CFDP1: variants seen among roughly 807,000 people sequenced by gnomAD.
The protein encoded by CFDP1 is heterochromatin-stabilizing protein CFDP1.
In CFDP1, 31 loss-of-function variants were observed where a neutral mutation model predicts 40.1. That is an observed-to-expected ratio of 0.77 (90% confidence interval 0.58 to 1.04). CFDP1 has a LOEUF of 1.04. Among genes scored for constraint, CFDP1 ranks in the 50% least tolerant of loss-of-function variants. The probability of loss-of-function intolerance (pLI) is 0.00; values close to 1 mark genes in which losing one functional copy is unlikely to be tolerated. For missense variants in CFDP1, 423 were observed against 343.4 expected, an observed-to-expected ratio of 1.23 and a Z score of -1.83; for synonymous variants, 167 against 120.0, an observed-to-expected ratio of 1.39 and a Z score of -2.56.
intron 5 of CFDP1, among the ~76,000 whole-genome samples, chr16:75,309,626 C>T (rs558587620): frequency 3.9e-5 from 6 of 152,140 alleles, no homozygotes; most frequent in African/African-American, 1.4e-4. Context: ...CGAGACCATC[C>T]TGCCTAACAC....
chr16:75,304,946 G>A, intron 6 of CFDP1, 78 bp downstream of exon 6: 1 of 1,426,908 alleles, frequency 7.0e-7, no homozygotes, highest in Non-Finnish European at 9.6e-7. Flanking sequence ...TGCTTACAGT[G>A]GGCAGTTTGT....
At chr16:75,364,474 G>A (rs910211344) in intron 5 of CFDP1, among the ~76,000 whole-genome samples, 3 of 152,052 alleles carry the variant, frequency 2.0e-5, no homozygotes, top group African/African-American at 4.8e-5. Context: ...ATGACAACAC[G>A]AAGACATTAT....
chr16:75,315,265 G>A (rs1405462812), intron 5 of CFDP1, among the ~76,000 whole-genome samples: 3 of 146,884 alleles, frequency 2.0e-5, no homozygotes, highest in African/African-American at 7.6e-5. Flanking sequence ...ACGGGAGGCG[G>A]AGGTTGCCGT....
At chr16:75,349,682 A>ATATATATATATATATATATATAT in intron 5 of CFDP1, among the ~76,000 whole-genome samples, 9 of 7,394 alleles carry the variant, frequency 1.2e-3, no homozygotes, top group Non-Finnish European at 1.6e-3. Context: ...AAAAAAAAAA[A>ATATATATATATATATATATATAT]AAAAAAAAAT....
chr16:75,399,246 C>T (rs1292948795), intron 4 of CFDP1, among the ~76,000 whole-genome samples: 2 of 152,086 alleles, frequency 1.3e-5, no homozygotes, highest in Non-Finnish European at 2.9e-5. Flanking sequence ...CTTTCTTACA[C>T]TGTTGTAAAA....
rs151208806 is a variant in CFDP1 at position 75,393,294 on chromosome 16, T to C, written c.650+1796A>G. Among the ~76,000 whole-genome samples, 523 of 152,256 alleles carry C rather than the reference T, an allele frequency of 3.4e-3. 3 individuals are homozygous for C. The highest frequency in any genetic ancestry group is 0.011 in the African/African-American group (461 of 41,548). On this transcript the variant is annotated intron_variant, in intron 5 of 6. Transcript: ENST00000283882. The stretch of plus-strand genomic sequence containing the variant: ...TTCTTTCCTCTCTTGTACCTCTCTA[T>C]TGGGGCTTCCTGGAATCACCTCTCA...
chr16:75,410,822 T>C (rs1304071099), intron 4 of CFDP1, among the ~76,000 whole-genome samples: 1 of 144,192 alleles, frequency 6.9e-6, no homozygotes, highest in East Asian at 2.1e-4. Context: ...GACAGGAGAA[T>C]GGCGTGAACC....
At chr16:75,304,327 G>A (rs145585404) in intron 6 of CFDP1, among the ~76,000 whole-genome samples, 12 of 152,210 alleles carry the variant, frequency 7.9e-5, no homozygotes, top group East Asian at 7.7e-4. Context: ...CTCGGCCTCC[G>A]AAAGTGCCAA....
intron 5 of CFDP1, among the ~76,000 whole-genome samples, chr16:75,334,050 A>G (rs1707184587): frequency 6.6e-6 from 1 of 152,070 alleles, no homozygotes. Context: ...AGAGGCTGTG[A>G]GCATTATTAA....
chr16:75,315,896 C>G (rs1173916807), intron 5 of CFDP1, among the ~76,000 whole-genome samples: 1 of 152,158 alleles, frequency 6.6e-6, no homozygotes, highest in African/African-American at 2.4e-5. Context: ...TAGTTGCTCC[C>G]CATTCTCTCT....
chr16:75,372,010 A>C (rs1052898493), intron 5 of CFDP1, among the ~76,000 whole-genome samples: 3 of 152,184 alleles, frequency 2.0e-5, no homozygotes, highest in African/African-American at 7.2e-5. Context: ...CATTCTCAAA[A>C]CAGCTCTATG....
At chr16:75,334,562 C>G (rs74024770) in intron 5 of CFDP1, among the ~76,000 whole-genome samples, 7,076 of 151,666 alleles carry the variant, frequency 0.047, 505 homozygotes, top group African/African-American at 0.16. Context: ...AGAAGGGTGA[C>G]TTAGGCATAA....
At chr16:75,335,368 T>A (rs2078479288) in intron 5 of CFDP1, among the ~76,000 whole-genome samples, 1 of 152,132 alleles carries the variant, frequency 6.6e-6, no homozygotes, top group Non-Finnish European at 1.5e-5. Flanking sequence ...AAGGACACAC[T>A]GAAAAAAATC....
At chr16:75,328,497 G>T (rs1420088752) in intron 5 of CFDP1, among the ~76,000 whole-genome samples, 1 of 147,626 alleles carries the variant, frequency 6.8e-6, no homozygotes, top group East Asian at 2.1e-4. Flanking sequence ...ACTTCGGGAG[G>T]CTGAAGCAGG....
chr16:75,336,561 T>C (rs1170598300), intron 5 of CFDP1, among the ~76,000 whole-genome samples: 1 of 152,244 alleles, frequency 6.6e-6, no homozygotes, highest in Non-Finnish European at 1.5e-5. Context: ...ACAACTTAAA[T>C]GGCTGTATGC....
intron 6 of CFDP1, among the ~76,000 whole-genome samples, chr16:75,300,448 C>T (rs1017152212): frequency 3.3e-5 from 5 of 152,102 alleles, no homozygotes; most frequent in South Asian, 4.1e-4. Context: ...CCACCACGCC[C>T]GGCTAATTTT....
chr16:75,332,798 CTTTT>C (rs997878419), intron 5 of CFDP1, among the ~76,000 whole-genome samples: 2 of 134,138 alleles, frequency 1.5e-5, no homozygotes, highest in Non-Finnish European at 1.6e-5. Context: ...TATTCATGTT[CTTTT>C]TTTTTTTTTC....
chr16:75,336,469 AAG>A (rs1040396320), intron 5 of CFDP1, among the ~76,000 whole-genome samples: 10 of 152,338 alleles, frequency 6.6e-5, no homozygotes, highest in East Asian at 1.9e-4. Flanking sequence ...AGAAACAGAA[AAG>A]AGAGTTTGGC....
intron 4 of CFDP1, among the ~76,000 whole-genome samples, chr16:75,407,581 G>A (rs1168360401): frequency 1.3e-5 from 2 of 149,322 alleles, no homozygotes; most frequent in Non-Finnish European, 3.0e-5. Context: ...TCAGGAGGCT[G>A]AGGTCGGGGG....
Sources: gnomAD v4.1 joint callset for allele counts (sites outside exome capture counted in the v4.1 genomes callset) on GRCh38, gnomAD v4.1.1 for gene constraint, MANE v1.5 for transcripts, NCBI Gene and HGNC (gene_info 2026-07-23, HGNC 2026-07-21) for gene names.